Variants in STIM2 observed in about 807,000 individuals in gnomAD.
STIM2 encodes stromal interaction molecule 2.
STIM2 carries 31 observed loss-of-function variants against 85.8 expected under a neutral mutation model. The ratio of observed to expected loss-of-function variants is 0.36; its 90% confidence interval spans 0.27 to 0.49. The LOEUF is 0.49. Among genes scored for constraint, STIM2 ranks in the 20% least tolerant of loss-of-function variants. The pLI is 0.98. For synonymous variants in STIM2, 356 were observed against 331.1 expected (o/e 1.08, Z -0.82); for missense variants, 841 against 927.6 (o/e 0.91, Z 1.21).
intron 2 of STIM2, among the ~76,000 whole-genome samples, chr4:26,955,614 A>C (rs1726214682): frequency 6.7e-6 from 1 of 148,266 alleles, no homozygotes; most frequent in African/African-American, 2.6e-5. Context: ...GGCCCCCTTA[A>C]ATATAACTTA....
At chr4:26,899,226 A>G (rs1052920038) in intron 1 of STIM2, among the ~76,000 whole-genome samples, 2 of 152,056 alleles carry the variant, frequency 1.3e-5, no homozygotes, top group African/African-American at 4.8e-5. Context: ...GTTAATGTGA[A>G]TTATGTTAAA....
chr4:26,938,020 G>T (rs1177769235), intron 2 of STIM2, among the ~76,000 whole-genome samples: 1 of 140,442 alleles, frequency 7.1e-6, no homozygotes, highest in Non-Finnish European at 1.5e-5. Context: ...AATTTAAATA[G>T]CTTAATAATT....
At chr4:26,955,077 C>A (rs1207074705) in intron 2 of STIM2, among the ~76,000 whole-genome samples, 1 of 145,730 alleles carries the variant, frequency 6.9e-6, no homozygotes, top group South Asian at 2.2e-4. Context: ...AATTTTATTT[C>A]TAAGAATTCT....
chr4:26,936,835 G>A (rs1725409464), intron 2 of STIM2, among the ~76,000 whole-genome samples: 1 of 152,124 alleles, frequency 6.6e-6, no homozygotes, highest in South Asian at 2.1e-4. Flanking sequence ...TGTCACCCAG[G>A]CTGGAGTTCA....
intron 1 of STIM2, among the ~76,000 whole-genome samples, chr4:26,902,470 A>C (rs949593292): frequency 6.6e-6 from 1 of 152,164 alleles, no homozygotes; most frequent in Non-Finnish European, 1.5e-5. Context: ...TTTCTTGACA[A>C]AGCCGTGTCT....
In STIM2 at chr4:26,919,650, T is replaced by C. The variant is rs1156889219; in HGVS notation, c.282+16T>C. On this transcript the variant is annotated intron_variant, in intron 2 of 11. Transcript: ENST00000467087. ...AAGTGATGAAGTAGGTGGAAAAATG[T>C]TTTCCTTGCTATTGTCTTAGAACAG... The C allele has an allele frequency of 4.3e-6, 7 of 1,612,900 alleles. No homozygotes were observed. Among genetic ancestry groups the C allele is most frequent in the Non-Finnish European group, 5.9e-6 (7 of 1,179,376 alleles).
At chr4:26,974,767 A>T (rs1727115291) in intron 3 of STIM2, among the ~76,000 whole-genome samples, 1 of 151,952 alleles carries the variant, frequency 6.6e-6, no homozygotes, top group South Asian at 2.1e-4. Flanking sequence ...GTATTTCCTG[A>T]ATTTGAATGT....
At position 27,017,763 on chromosome 4, in the gene STIM2, T is replaced by G; in HGVS notation, c.1542T>G (p.Arg514=). The G allele has an allele frequency of 6.2e-7, 1 of 1,614,130 alleles. No individual in the cohort carries two copies. Among genetic ancestry groups the G allele is most frequent in the Non-Finnish European group, 8.5e-7 (1 of 1,180,016 alleles). ...TAGCCAGAAGCAGCAGCCTGTGCCG[T>G]TCACGCCGCAGCATTGTGCCGTCCT... The change falls in exon 11 of 12, where the codon CGT becomes CGG. Residue 514 remains arginine (R), a synonymous_variant. Transcript: ENST00000467087.
At chr4:26,914,979 T>TGATG (rs978825923) in intron 1 of STIM2, among the ~76,000 whole-genome samples, 2 of 152,224 alleles carry the variant, frequency 1.3e-5, no homozygotes, top group African/African-American at 4.8e-5. Flanking sequence ...CTTAATTCTC[T>TGATG]GATGCTGGTG....
intron 11 of STIM2, 111 bp from the exon 12 acceptor site, chr4:27,022,408 C>T (rs1179285651): frequency 5.9e-6 from 5 of 845,866 alleles, no homozygotes; most frequent in Middle Eastern, 2.4e-4. Context: ...CATATCATTT[C>T]CCTCTTTTAA....
In STIM2 at chr4:26,861,210, T is replaced by C. The variant is rs1267699226; in HGVS notation, c.-9T>C. On this transcript the variant is annotated 5_prime_UTR_variant, in exon 1 of 12. Transcript: ENST00000467087. ...GGGCTGGCTGCTGCGGCGGCGGCGC[T>C]GGGCTGCGTTGCTGGTGCTCGGGCT... 1 of 1,470,580 alleles carries C rather than the reference T, an allele frequency of 6.8e-7. No individual in the cohort carries two copies. 91.1% of individuals were successfully genotyped at this position (1,470,580 alleles called of 1,614,324 possible).
chr4:26,927,835 A>G (rs1358627813), intron 2 of STIM2, among the ~76,000 whole-genome samples: 1 of 135,782 alleles, frequency 7.4e-6, no homozygotes, highest in Non-Finnish European at 1.5e-5. Flanking sequence ...ATGTAATTAT[A>G]TAAATTATAT....
chr4:26,896,988 A>G (rs1334125792), intron 1 of STIM2, among the ~76,000 whole-genome samples: 2 of 152,222 alleles, frequency 1.3e-5, no homozygotes, highest in African/African-American at 2.4e-5. Flanking sequence ...ATTCAGCATA[A>G]TACTCTTAAG....
intron 1 of STIM2, among the ~76,000 whole-genome samples, chr4:26,895,051 A>C (rs1404875943): frequency 6.6e-6 from 1 of 152,208 alleles, no homozygotes; most frequent in Admixed American, 6.5e-5. Flanking sequence ...GTCTCTACTA[A>C]AAATACAAAA....
intron 1 of STIM2, among the ~76,000 whole-genome samples, chr4:26,910,177 T>G (rs1383476229): frequency 6.6e-6 from 1 of 152,184 alleles, no homozygotes; most frequent in African/African-American, 2.4e-5. Context: ...CAATGTTATA[T>G]ACAGAAACAT....
At chr4:26,876,065 T>C (rs1455366008) in intron 1 of STIM2, among the ~76,000 whole-genome samples, 1 of 152,138 alleles carries the variant, frequency 6.6e-6, no homozygotes, top group African/African-American at 2.4e-5. Flanking sequence ...AAAAGCTAGA[T>C]GTCTTGTTTT....
At chr4:26,918,017 G>A (rs886135159) in intron 1 of STIM2, among the ~76,000 whole-genome samples, 1 of 151,972 alleles carries the variant, frequency 6.6e-6, no homozygotes, top group Non-Finnish European at 1.5e-5. Context: ...CTTGACTGGC[G>A]TTCCAAATAT....
chr4:27,002,917 G>A lies in STIM2; in HGVS notation c.804-10G>A, dbSNP rs1376948659. 6.6e-7 allele frequency: 1 copy of A among 1,522,096 alleles called. No individual in the cohort carries two copies. Among genetic ancestry groups the A allele is most frequent in the Non-Finnish European group, 8.7e-7 (1 of 1,143,836 alleles). 94.3% of individuals were successfully genotyped at this position (1,522,096 alleles called of 1,614,324 possible). A position where few individuals can be genotyped will look rare whatever the true frequency, so the allele number is the denominator to read the frequency against. On this transcript the variant is annotated splice_polypyrimidine_tract_variant and intron_variant, in intron 6 of 11. Coordinates refer to ENST00000467087, the MANE Select transcript of STIM2 (RefSeq NM_020860.4). ...TTTGTGAGGAATTTTTATTTTTATT[G>A]TTCTATAAGGCTTGAAAAGGCACAG...
At chr4:26,940,217 G>C (rs963077640) in intron 2 of STIM2, among the ~76,000 whole-genome samples, 6 of 152,130 alleles carry the variant, frequency 3.9e-5, no homozygotes, top group African/African-American at 1.4e-4. Flanking sequence ...AACCTGCTTG[G>C]TTTTCCTTCT....
Sources: gnomAD v4.1 joint callset for allele counts (sites outside exome capture counted in the v4.1 genomes callset) on GRCh38, gnomAD v4.1.1 for gene constraint, MANE v1.5 for transcripts, NCBI Gene and HGNC (gene_info 2026-07-23, HGNC 2026-07-21) for gene names.